TRMO: variants seen among roughly 807,000 people sequenced by gnomAD.
TRMO encodes tRNA (adenine(37)-N6)-methyltransferase.
In TRMO, 30 loss-of-function variants were observed where a neutral mutation model predicts 37.2. The ratio of observed to expected loss-of-function variants is 0.81; its 90% CI spans 0.60 to 1.09. TRMO has a LOEUF of 1.09. Among genes scored for constraint, TRMO ranks in the 50% least tolerant of loss-of-function variants. The probability of loss-of-function intolerance (pLI) is 0.00; values close to 1 mark genes in which losing one functional copy is unlikely to be tolerated. For synonymous variants in TRMO, 239 were observed against 199.4 expected (o/e 1.20, Z -1.67); for missense variants, 552 against 549.5 (o/e 1.00, Z -0.05).
intron 3 of TRMO, chr9:97,912,899 G>T: frequency 2.3e-6 from 3 of 1,302,626 alleles, no homozygotes; most frequent in East Asian, 1.1e-4. Flanking sequence ...CTTGTAGTGT[G>T]ATTCATCCCA....
rs765251801 is a variant in TRMO, at chr9:97,919,495, A to G, written c.76+2923T>C. Among the ~76,000 whole-genome samples, 21 of 152,360 alleles carry G rather than the reference A, an allele frequency of 1.4e-4. No individual in the cohort carries two copies. The South Asian group carries it at 1.4e-3, about 11-fold the overall frequency. On this transcript the variant is annotated intron_variant, in intron 1 of 4. Coordinates refer to ENST00000375119, the MANE Select transcript of TRMO (RefSeq NM_016481.5). ...GAAACACTATTTTCCAAGTGTCTACAATTGCCAGACATTGTGTTAAGTTTG... is the reference window on the plus strand; with the variant it reads ...GAAACACTATTTTCCAAGTGTCTACGATTGCCAGACATTGTGTTAAGTTTG...
chr9:97,904,413 C>T, downstream of TRMO: 1 of 974,184 alleles, frequency 1.0e-6, no homozygotes, highest in Non-Finnish European at 1.3e-6. Flanking sequence ...ACTAGAAAGT[C>T]TCTGCTGGAA....
downstream of TRMO, among the ~76,000 whole-genome samples, chr9:97,904,338 T>G (rs1173647274): frequency 6.6e-6 from 1 of 152,188 alleles, no homozygotes; most frequent in Admixed American, 6.5e-5. Context: ...TGGAATCAAA[T>G]AGAAAGGTCA....
downstream of TRMO, among the ~76,000 whole-genome samples, chr9:97,902,718 TAAACA>T (rs1273607147): frequency 6.6e-6 from 1 of 152,216 alleles, no homozygotes; most frequent in South Asian, 2.1e-4. Context: ...GTTAACATAT[TAAACA>T]AAACATTTTG....
intron 4 of TRMO, among the ~76,000 whole-genome samples, chr9:97,906,157 CAA>C (rs34793206): frequency 0.035 from 4,637 of 133,420 alleles, 228 homozygotes; most frequent in African/African-American, 0.11. Flanking sequence ...GACTGTATCT[CAA>C]AAAAAAAAAA....
At chr9:97,912,882 G>A (rs1273347710) in intron 3 of TRMO, 17 of 1,294,574 alleles carry the variant, frequency 1.3e-5, no homozygotes, top group African/African-American at 3.0e-5. Flanking sequence ...CCTGACCAAT[G>A]TTTGTCCTTG....
intron 4 of TRMO, among the ~76,000 whole-genome samples, chr9:97,908,212 A>C (rs951652627): frequency 1.3e-5 from 2 of 152,124 alleles, no homozygotes; most frequent in African/African-American, 4.8e-5. Context: ...GGAGATCGAG[A>C]CCATCCTGCC....
intron 1 of TRMO, among the ~76,000 whole-genome samples, chr9:97,917,701 CAG>C (rs1233167755): frequency 6.6e-6 from 1 of 152,040 alleles, no homozygotes; most frequent in South Asian, 2.1e-4. Context: ...TTTTTTGAGA[CAG>C]AGTCTTGCTC....
intron 4 of TRMO, among the ~76,000 whole-genome samples, chr9:97,907,345 GA>G (rs1825897510): frequency 6.6e-6 from 1 of 152,216 alleles, no homozygotes; most frequent in Admixed American, 6.5e-5. Context: ...CTGACAGGAA[GA>G]AATGGGGAAA....
At chr9:97,920,828 C>G (rs1826591921) in intron 1 of TRMO, among the ~76,000 whole-genome samples, 1 of 152,226 alleles carries the variant, frequency 6.6e-6, no homozygotes, top group Non-Finnish European at 1.5e-5. Flanking sequence ...CTCAACACTC[C>G]TAGAGTTTCT....
At chr9:97,913,622 T>A (rs1564110457) in intron 2 of TRMO, 64 bp from the exon 3 acceptor site, 2 of 1,115,234 alleles carry the variant, frequency 1.8e-6, no homozygotes, top group Non-Finnish European at 2.6e-6. Context: ...TTTACCACAA[T>A]GATCTGATGG....
chr9:97,917,079 T>C (rs1388405991), intron 1 of TRMO, among the ~76,000 whole-genome samples: 1 of 152,048 alleles, frequency 6.6e-6, no homozygotes, highest in Non-Finnish European at 1.5e-5. Context: ...GCGTGAGCCA[T>C]AGTGCTTGGC....
In TRMO at chr9:97,904,744, G is replaced by A; in HGVS notation, c.1315C>T (p.Leu439=). The A allele has an allele frequency of 6.2e-7, 1 of 1,607,488 alleles. No individual in the cohort carries two copies. Among genetic ancestry groups the A allele is most frequent in the Non-Finnish European group, 8.5e-7 (1 of 1,179,974 alleles). Residue 439 remains leucine, a synonymous_variant, in exon 5 of 5, where the codon CTA becomes TTA. Transcript: ENST00000375119. ...MTGPVGSLVS[L]GS is the part of the protein sequence containing the mutation. The stretch of plus-strand genomic sequence containing the variant: ...ATGAGGGAGGCTCCTTAAGACCCTA[G>A]AGACACCAAGGACCCCACAGGGCCA...
At position 97,904,847 on chromosome 9, in the gene TRMO, C is replaced by T. The variant is rs778255727; in HGVS notation, c.1212G>A (p.Ala404=). ...DRLFYFTVDI[A]HVTCWFGDGF... ...CATCACCAAACCAGCAAGTGACATG[C>T]GCTATGTCTACAGTAAAGTAGAAAA... is the stretch of plus-strand genomic sequence containing the variant. Residue 404 remains alanine (A), a synonymous_variant, in exon 5 of 5, where the codon GCG becomes GCA. Coordinates refer to ENST00000375119, the MANE Select transcript of TRMO (RefSeq NM_016481.5). 13 of 1,614,042 alleles carry T rather than the reference C, an allele frequency of 8.1e-6. No homozygotes were observed. The Admixed American group carries it at 1.0e-4, about 12-fold the overall frequency.
intron 4 of TRMO, among the ~76,000 whole-genome samples, chr9:97,908,189 A>G (rs890795566): frequency 5.3e-5 from 8 of 152,008 alleles, no homozygotes; most frequent in Non-Finnish European, 7.4e-5. Flanking sequence ...AAGGCGGGGG[A>G]ATCACAAGGT....
In TRMO at chr9:97,922,437, A is replaced by C. The variant is rs3183928; in HGVS notation, c.57T>G (p.Val19=). 542,219 of 1,580,998 alleles carry C rather than the reference A, an allele frequency of 0.34. 96,201 individuals carry two copies. Among genetic ancestry groups the C allele is most frequent in the Non-Finnish European group, 0.36 (422,895 of 1,163,030 alleles). Residue 19 remains valine (V), a synonymous_variant, in exon 1 of 5, where the codon GTT becomes GTG. Transcript: ENST00000375119. ...AGTTACCTGTCTCCAGAGCCGGCTT[A>C]ACGCAGCCGCACGGGGTCGCTGTAG... The part of the protein sequence containing the change: ...PRPTATPCGC[V]KPALETGNLL...
chr9:97,911,075 G>T, intron 3 of TRMO: 1 of 365,602 alleles, frequency 2.7e-6, no homozygotes, highest in South Asian at 2.0e-5. Flanking sequence ...ATATCTCTGT[G>T]GGACCAATGA....
At chr9:97,917,599 AT>A (rs1388846539) in intron 1 of TRMO, among the ~76,000 whole-genome samples, 2 of 152,210 alleles carry the variant, frequency 1.3e-5, no homozygotes, top group Admixed American at 1.3e-4. Context: ...TTTGTTACAT[AT>A]TTACCTTCTT....
chr9:97,902,369 C>T (rs1242444242), downstream of TRMO, among the ~76,000 whole-genome samples: 5 of 152,126 alleles, frequency 3.3e-5, no homozygotes, highest in Admixed American at 2.0e-4. Context: ...GGCACGATCT[C>T]GGCTCACTGC....
Sources: allele counts gnomAD v4.1 joint callset (sites outside exome capture counted in the v4.1 genomes callset), GRCh38; gene constraint gnomAD v4.1.1; transcripts MANE v1.5; gene names NCBI Gene and HGNC (gene_info 2026-07-23, HGNC 2026-07-21).